HPSE2: variants seen among roughly 807,000 people sequenced by gnomAD.
HPSE2 encodes heparanase 2 (inactive).
Under a neutral mutation model 60.5 loss-of-function variants are expected in HPSE2, and 38 were observed. That is an observed-to-expected ratio of 0.63 (90% confidence interval 0.48 to 0.82). The LOEUF is 0.82. Ranked by LOEUF, HPSE2 falls within the 40% of genes least tolerant of loss-of-function variation. The pLI is 0.00. For synonymous variants in HPSE2, 295 were observed against 293.2 expected (o/e 1.01, Z -0.06); for missense variants, 713 against 740.4 (o/e 0.96, Z 0.43).
chr10:98,468,538 C>T (rs983335885), intron 11 of HPSE2, among the ~76,000 whole-genome samples: 13 of 152,254 alleles, frequency 8.5e-5, no homozygotes, highest in African/African-American at 2.2e-4. Context: ...TGATAACAAG[C>T]TGGGAGAGCG....
intron 2 of HPSE2, among the ~76,000 whole-genome samples, chr10:99,216,135 C>G (rs1048202490): frequency 2.0e-4 from 30 of 148,636 alleles, no homozygotes; most frequent in African/African-American, 7.3e-4. Flanking sequence ...TGAAACCATT[C>G]TGAAATGCAG....
At chr10:99,275,902 T>C in the HPSE2 span, among the ~76,000 whole-genome samples, 1 of 151,940 alleles carries the variant, frequency 6.6e-6, no homozygotes, top group Non-Finnish European at 1.5e-5. Context: ...CATGAAGGGG[T>C]GGGTGTGGGT....
At chr10:98,665,586 C>CTTTGTAAGT (rs978169010) in intron 6 of HPSE2, among the ~76,000 whole-genome samples, 1 of 152,186 alleles carries the variant, frequency 6.6e-6, no homozygotes, top group Non-Finnish European at 1.5e-5. Flanking sequence ...AGCAGCAGAC[C>CTTTGTAAGT]TTTCAGCAGA....
Position 99,086,158 on chromosome 10 carries a change from G to A in HPSE2, c.610+58080C>T, listed in dbSNP as rs554412686. Reference sequence around the variant, plus strand: ...TTCTATATATAGTATAGTATGTCTGGCCCCTTCAGTGTATGCTGAGTAGTA... The same window carrying A: ...TTCTATATATAGTATAGTATGTCTGACCCCTTCAGTGTATGCTGAGTAGTA... On this transcript the variant is annotated intron_variant, in intron 3 of 11. Transcript: ENST00000370552. Among the ~76,000 whole-genome samples the A allele has an allele frequency of 6.3e-4, 96 of 152,008 alleles. 1 individual carries two copies. The highest frequency in any genetic ancestry group is 1.3e-4 in the Non-Finnish European group (9 of 67,998).
intron 3 of HPSE2, among the ~76,000 whole-genome samples, chr10:99,000,252 G>A (rs1277548675): frequency 1.3e-5 from 2 of 152,078 alleles, no homozygotes; most frequent in Non-Finnish European, 2.9e-5. Flanking sequence ...ATCATTAACA[G>A]AAGTAAGAAA....
At chr10:98,736,479 T>C (rs1949361739) in intron 4 of HPSE2, among the ~76,000 whole-genome samples, 1 of 152,186 alleles carries the variant, frequency 6.6e-6, no homozygotes, top group Non-Finnish European at 1.5e-5. Context: ...ACCATGATAA[T>C]GAACTCCAAG....
At chr10:98,468,806 G>C (rs1431314847) in intron 11 of HPSE2, among the ~76,000 whole-genome samples, 2 of 152,058 alleles carry the variant, frequency 1.3e-5, no homozygotes, top group Non-Finnish European at 2.9e-5. Context: ...GGGATAGAGA[G>C]AGAAAATGGG....
chr10:98,600,911 G>GTATATATGTGTGTGTGTATATATATA (rs576143051), intron 9 of HPSE2, among the ~76,000 whole-genome samples: 13 of 73,712 alleles, frequency 1.8e-4, no homozygotes, highest in East Asian at 1.2e-3. Flanking sequence ...ATGTGTGTGT[G>GTATATATGTGTGTGTGTATATATATA]TATATATATA....
At chr10:99,263,655 G>A in the HPSE2 span, among the ~76,000 whole-genome samples, 1 of 151,738 alleles carries the variant, frequency 6.6e-6, no homozygotes, top group Non-Finnish European at 1.5e-5. Flanking sequence ...CCTTCTCATT[G>A]GTCACTCCTA....
the HPSE2 span, among the ~76,000 whole-genome samples, chr10:99,242,492 T>G: frequency 6.6e-6 from 1 of 152,164 alleles, no homozygotes; most frequent in Non-Finnish European, 1.5e-5. Flanking sequence ...CCTTAGCATG[T>G]TTGGAGGTAG....
chr10:98,747,997 G>T (rs1949667735), intron 3 of HPSE2, among the ~76,000 whole-genome samples: 1 of 152,128 alleles, frequency 6.6e-6, no homozygotes, highest in African/African-American at 2.4e-5. Context: ...AGAGAGATCT[G>T]TCTAAAATAA....
intron 3 of HPSE2, among the ~76,000 whole-genome samples, chr10:99,072,025 G>GTTT (rs34940128): frequency 8.2e-5 from 12 of 145,716 alleles, no homozygotes; most frequent in Non-Finnish European, 1.2e-4. Flanking sequence ...AACTTTGTTT[G>GTTT]TTTTTTTTTT....
chr10:98,683,250 G>C (rs1329550226), intron 6 of HPSE2, among the ~76,000 whole-genome samples: 1 of 151,894 alleles, frequency 6.6e-6, no homozygotes, highest in Non-Finnish European at 1.5e-5. Flanking sequence ...GAGATTCAGG[G>C]ACCATCAGAT....
intron 10 of HPSE2, among the ~76,000 whole-genome samples, chr10:98,489,475 C>G (rs1486751638): frequency 6.6e-6 from 1 of 152,192 alleles, no homozygotes; most frequent in East Asian, 1.9e-4. Context: ...TTCACTTAGC[C>G]TCTTAATTTT....
chr10:99,268,993 TA>T, the HPSE2 span, among the ~76,000 whole-genome samples: 1 of 151,180 alleles, frequency 6.6e-6, no homozygotes, highest in Non-Finnish European at 1.5e-5. Context: ...CCATCTCAAC[TA>T]AAAAAAATAC....
chr10:98,600,252 T>C (rs982448668), intron 9 of HPSE2, among the ~76,000 whole-genome samples: 1 of 152,208 alleles, frequency 6.6e-6, no homozygotes, highest in Admixed American at 6.5e-5. Flanking sequence ...GGTAACACCA[T>C]ATATACTACA....
the HPSE2 span, among the ~76,000 whole-genome samples, chr10:99,267,120 A>G: frequency 1.3e-5 from 2 of 152,148 alleles, no homozygotes. Flanking sequence ...AGATCACACT[A>G]GCTCACCTCA....
At chr10:98,518,072 G>C (rs562718408) in intron 9 of HPSE2, among the ~76,000 whole-genome samples, 1 of 152,304 alleles carries the variant, frequency 6.6e-6, no homozygotes, top group African/African-American at 2.4e-5. Context: ...GTAACACTGG[G>C]TGAGAAGAAG....
chr10:98,721,854 C>A, intron 4 of HPSE2, 26 bp from the exon 5 acceptor site: 1 of 1,605,776 alleles, frequency 6.2e-7, no homozygotes, highest in South Asian at 1.1e-5. Context: ...ACATGTAAGT[C>A]AGAATGAGAA....
Sources: gnomAD v4.1 joint callset for allele counts (sites outside exome capture counted in the v4.1 genomes callset) on GRCh38, gnomAD v4.1.1 for gene constraint, MANE v1.5 for transcripts, NCBI Gene and HGNC (gene_info 2026-07-23, HGNC 2026-07-21) for gene names.